UBA2: variants seen among roughly 807,000 people sequenced by gnomAD.
UBA2 encodes ubiquitin like modifier activating enzyme 2, also known as SUMO-activating enzyme subunit 2.
Under a neutral mutation model 77.2 loss-of-function variants are expected in UBA2, and 11 were observed. That is an observed-to-expected ratio of 0.14 (90% CI 0.09 to 0.24). UBA2 has a LOEUF of 0.24. UBA2 is among the 10% of genes least tolerant of loss of function. The pLI, the probability that UBA2 is intolerant of heterozygous loss-of-function variation, is 1.00. For synonymous variants in UBA2, 278 were observed against 276.7 expected, an observed-to-expected ratio of 1.00 and a Z score of -0.05; for missense variants, 487 against 781.7, an observed-to-expected ratio of 0.62 and a Z score of 4.50.
In UBA2 at chr19:34,428,576, G is replaced by C; in HGVS notation, c.138+6G>C. The C allele has an allele frequency of 7.6e-7, 1 of 1,307,866 alleles. No homozygotes were observed. Among genetic ancestry groups the C allele is most frequent in the Non-Finnish European group, 9.8e-7 (1 of 1,019,892 alleles). The allele number at this position is 1,307,866 out of a possible 1,614,324, so 81.0% of individuals were successfully genotyped here. A position where few individuals can be genotyped will look rare whatever the true frequency, so the allele number is the denominator to read the frequency against. On this transcript the variant is annotated splice_donor_region_variant and intron_variant, in intron 1 of 16. Coordinates refer to ENST00000246548, the MANE Select transcript of UBA2 (RefSeq NM_005499.3). The stretch of plus-strand genomic sequence containing the variant: ...GTTTCTCCCACATCGACCTGGTGAG[G>C]GCCGGGCGCGCGCGCGTGAATGGCG...
intron 1 of UBA2, among the ~76,000 whole-genome samples, 178 bp from the exon 2 acceptor site, chr19:34,430,398 C>T (rs2075239219): frequency 6.6e-6 from 1 of 152,142 alleles, no homozygotes; most frequent in Non-Finnish European, 1.5e-5. Context: ...AATCTAGATT[C>T]TTACATGCAT....
intron 14 of UBA2, 123 bp from the exon 15 acceptor site, chr19:34,463,903 A>G: frequency 1.5e-6 from 1 of 671,694 alleles, no homozygotes; most frequent in Non-Finnish European, 2.7e-6. Flanking sequence ...TAGGGTTTCA[A>G]CCTTTGGATT....
chr19:34,462,347 A>G (rs1475974813), intron 14 of UBA2, among the ~76,000 whole-genome samples: 1 of 152,222 alleles, frequency 6.6e-6, no homozygotes, highest in Non-Finnish European at 1.5e-5. Context: ...GGCGAGCACA[A>G]GACTTCACAG....
At position 34,452,011 on chromosome 19, in the gene UBA2, A is replaced by G. The variant is rs1159449750; in HGVS notation, c.902A>G (p.Asn301Ser). The change falls in exon 10 of 17, where the codon AAT becomes AGT. Residue 301 changes from asparagine to serine, a missense_variant. Physicochemically the swap from Asn to Ser is conservative, Grantham distance 46 (BLOSUM62 1). This residue lies in a region of UBA2 where 300 missense variants were observed against 454.3 expected (regional missense o/e 0.66). Transcript: ENST00000246548. ...GAAACGAATGCATCAGATCAACAGAATGAACCCCAGTTAGGCCTGAAAGAC... is the reference window on the plus strand; with the variant it reads ...GAAACGAATGCATCAGATCAACAGAGTGAACCCCAGTTAGGCCTGAAAGAC... ...GEETNASDQQ[N>S]EPQLGLKDQQ... 23 of 1,597,650 alleles carry G rather than the reference A, an allele frequency of 1.4e-5. No individual in the cohort carries two copies. The highest frequency in any genetic ancestry group is 2.0e-5 in the Non-Finnish European group (23 of 1,171,460).
chr19:34,429,558 TTGTGTA>T (rs1834244404), intron 1 of UBA2, among the ~76,000 whole-genome samples: 1 of 152,178 alleles, frequency 6.6e-6, no homozygotes, highest in African/African-American at 2.4e-5. Flanking sequence ...GTAAATGAAA[TTGTGTA>T]TGGATGAAGG....
chr19:34,447,454 G>A (rs2075444271), intron 8 of UBA2, among the ~76,000 whole-genome samples: 1 of 152,194 alleles, frequency 6.6e-6, no homozygotes, highest in African/African-American at 2.4e-5. Context: ...CGTAAACTTC[G>A]ATATGGTCAA....
intron 6 of UBA2, among the ~76,000 whole-genome samples, chr19:34,439,519 C>A (rs1378902645): frequency 6.6e-6 from 1 of 151,992 alleles, no homozygotes; most frequent in Non-Finnish European, 1.5e-5. Context: ...GAAAATGAAC[C>A]ACAGAATACA....
At position 34,443,891 on chromosome 19, in the gene UBA2, G is replaced by C. The variant is rs2075397038; in HGVS notation, c.629G>C (p.Arg210Thr). ...GCTGATCAAGAAGTATCTCCTGACA[G>C]AGCTGACCCTGAAGCTGCCTGTGAG... The part of the protein sequence containing the change: ...EDADQEVSPD[R>T]ADPEAAWEPT... Residue 210 changes from arginine to threonine, a missense_variant, in exon 7 of 17, where the codon AGA (arginine) becomes ACA (threonine). Arg to Thr is a moderately conservative substitution (Grantham distance 71). This residue lies in a region of UBA2 where 300 missense variants were observed against 454.3 expected (regional missense o/e 0.66). Transcript: ENST00000246548. 1 of 1,611,108 alleles carries C rather than the reference G, an allele frequency of 6.2e-7. No homozygotes were observed. The highest frequency in any genetic ancestry group is 8.5e-7 in the Non-Finnish European group (1 of 1,177,562).
intron 13 of UBA2, among the ~76,000 whole-genome samples, chr19:34,460,008 TCTTTCTTTTTTAGGAG>T: frequency 6.6e-6 from 1 of 152,336 alleles, no homozygotes; most frequent in East Asian, 1.9e-4. Context: ...CTTTTTTCCT[TCTTTCTTTTTTAGGAG>T]CTGGTAGGAT....
chr19:34,451,789 G>A (rs1248039226), intron 9 of UBA2, among the ~76,000 whole-genome samples, 192 bp from the exon 10 acceptor site: 13 of 151,730 alleles, frequency 8.6e-5, no homozygotes, highest in Non-Finnish European at 1.8e-4. Flanking sequence ...CTCATGATCC[G>A]TCTGCCTCGG....
At chr19:34,454,171 A>G (rs1243023262) in intron 10 of UBA2, 89 bp from the exon 11 acceptor site, 5 of 1,181,080 alleles carry the variant, frequency 4.2e-6, no homozygotes, top group Non-Finnish European at 6.1e-6. Context: ...CTATAGTATT[A>G]TAAACACGTG....
At chr19:34,446,593 T>C (rs1051642045) in intron 8 of UBA2, among the ~76,000 whole-genome samples, 5 of 141,588 alleles carry the variant, frequency 3.5e-5, no homozygotes, top group African/African-American at 1.2e-4. Flanking sequence ...ATGTCACATG[T>C]TGACTTTTTT....
intron 6 of UBA2, among the ~76,000 whole-genome samples, chr19:34,442,717 C>A (rs2075383982): frequency 6.6e-6 from 1 of 152,212 alleles, no homozygotes; most frequent in Non-Finnish European, 1.5e-5. Context: ...ACATGTGAGC[C>A]ACCACGCCCA....
intron 8 of UBA2, among the ~76,000 whole-genome samples, chr19:34,446,986 CT>C (rs2075439099): frequency 6.6e-6 from 1 of 152,086 alleles, no homozygotes; most frequent in South Asian, 2.1e-4. Context: ...TTAGGGTTCT[CT>C]AGAGGGACAG....
intron 15 of UBA2, among the ~76,000 whole-genome samples, chr19:34,465,430 A>C (rs1341182883): frequency 6.6e-6 from 1 of 151,532 alleles, no homozygotes; most frequent in Non-Finnish European, 1.5e-5. Context: ...CGAGGTCAGG[A>C]GTTCAAGACC....
intron 5 of UBA2, among the ~76,000 whole-genome samples, chr19:34,437,845 A>C (rs2075326619): frequency 6.6e-6 from 1 of 152,192 alleles, no homozygotes; most frequent in Non-Finnish European, 1.5e-5. Flanking sequence ...ACATGAAGTC[A>C]GGAGTTCAAG....
chr19:34,434,824 A>AT lies in UBA2; in HGVS notation c.359-34dup, dbSNP rs34502777. On this transcript the variant is annotated intron_variant, in intron 4 of 16. Coordinates refer to ENST00000246548, the MANE Select transcript of UBA2 (RefSeq NM_005499.3). The stretch of plus-strand genomic sequence containing the variant: ...GTGTCATCCTAATTAAAGATAACTA[A>AT]TTTTTTTTTTCCCAAAAACTCATAC... 6,030 of 1,321,788 alleles carry AT rather than the reference A, an allele frequency of 4.6e-3. 5 individuals are homozygous for AT. Among genetic ancestry groups the AT allele is most frequent in the Middle Eastern group, 0.02 (82 of 4,198 alleles). 81.9% of individuals were successfully genotyped at this position (1,321,788 alleles called of 1,614,324 possible).
At chr19:34,454,754 C>T (rs2075539771) in intron 12 of UBA2, among the ~76,000 whole-genome samples, 198 bp downstream of exon 12, 1 of 152,138 alleles carries the variant, frequency 6.6e-6, no homozygotes, top group Admixed American at 6.6e-5. Context: ...TAAGAAGTTG[C>T]TTTTGCTTTT....
intron 10 of UBA2, among the ~76,000 whole-genome samples, chr19:34,452,782 A>C (rs2075515867): frequency 6.6e-6 from 1 of 152,230 alleles, no homozygotes; most frequent in East Asian, 1.9e-4. Flanking sequence ...GTCTTAAGGC[A>C]TAAAGGCCAA....
Sources: gnomAD v4.1 joint callset for allele counts (sites outside exome capture counted in the v4.1 genomes callset) on GRCh38, gnomAD v4.1.1 for gene constraint, gnomAD v4.1.1 regional missense constraint, MANE v1.5 for transcripts, NCBI Gene and HGNC (gene_info 2026-07-23, HGNC 2026-07-21) for gene names.